JAKMIP2: variants seen among roughly 807,000 people sequenced by gnomAD.
The protein encoded by JAKMIP2 is janus kinase and microtubule-interacting protein 2.
Under a neutral mutation model 115.0 loss-of-function variants are expected in JAKMIP2, and 25 were observed. That is an observed-to-expected ratio of 0.22 (90% CI 0.16 to 0.30). The LOEUF (loss-of-function observed/expected upper bound fraction) is 0.30, where lower values mean the gene tolerates loss of function less well. JAKMIP2 is among the 10% of genes least tolerant of loss of function. The pLI is 1.00. For synonymous variants in JAKMIP2, 334 were observed against 343.6 expected (o/e 0.97, Z 0.31); for missense variants, 642 against 957.6 (o/e 0.67, Z 4.35).
At position 147,603,241 on chromosome 5, in the gene JAKMIP2, C is replaced by A. The variant is rs151181909; in HGVS notation, c.2413-1430G>T. The stretch of plus-strand genomic sequence containing the variant: ...TAATTTTGGGCAAGTTGTTTAATTT[C>A]TTTGAGCCATTGTTTTATTATTTGT... On this transcript the variant is annotated intron_variant, in intron 20 of 21. Transcript: ENST00000616793. 5.9e-5 allele frequency among the ~76,000 whole-genome samples: 9 copies of A among 152,208 alleles called. No individual in the cohort carries two copies. The East Asian group carries it at 1.7e-3, about 29-fold the overall frequency.
At chr5:147,764,975 A>G (rs1252772378) in intron 1 of JAKMIP2, among the ~76,000 whole-genome samples, 18 of 108,012 alleles carry the variant, frequency 1.7e-4, no homozygotes, top group Non-Finnish European at 2.7e-4. Context: ...AGGGGGAGAG[A>G]GAGAGAGAGA....
At chr5:147,627,678 TAAAAAAAAAAAA>T (rs768481105) in intron 16 of JAKMIP2, among the ~76,000 whole-genome samples, 2 of 70,322 alleles carry the variant, frequency 2.8e-5, no homozygotes, top group African/African-American at 1.1e-4. Context: ...AGCCTTTCTG[TAAAAAAAAAAAA>T]AAAAAAAAAA....
rs574403160 is a variant in JAKMIP2, at chr5:147,636,503, C to T, written c.1615-219G>A. 13 of 594,442 alleles carry T rather than the reference C, an allele frequency of 2.2e-5. No homozygotes were observed. The South Asian group carries it at 2.5e-4, about 11-fold the overall frequency. 36.8% of individuals were successfully genotyped at this position (594,442 alleles called of 1,614,324 possible). A position where few individuals can be genotyped will look rare whatever the true frequency, so the allele number is the denominator to read the frequency against. ...TTTTCATCATCACTCCCTATTTCTA[C>T]CTTTTCCAGTTTGAATAATCCAGGA... On this transcript the variant is annotated intron_variant, in intron 11 of 21. Transcript: ENST00000616793.
chr5:147,608,680 T>A (rs983289454), intron 20 of JAKMIP2, among the ~76,000 whole-genome samples: 5 of 152,194 alleles, frequency 3.3e-5, no homozygotes, highest in African/African-American at 1.2e-4. Context: ...TCTGTAGATG[T>A]CTATTAGGTC....
intron 1 of JAKMIP2, among the ~76,000 whole-genome samples, chr5:147,689,519 G>C (rs1760733615): frequency 6.6e-6 from 1 of 152,160 alleles, no homozygotes; most frequent in Non-Finnish European, 1.5e-5. Context: ...GATAGGACTA[G>C]ATGCAAGCTG....
At chr5:147,743,804 T>C (rs1476310783) in intron 1 of JAKMIP2, among the ~76,000 whole-genome samples, 1 of 152,120 alleles carries the variant, frequency 6.6e-6, no homozygotes, top group Non-Finnish European at 1.5e-5. Context: ...AACCTCTTAA[T>C]GATGTTCTTC....
At position 147,702,672 on chromosome 5, in the gene JAKMIP2, A is replaced by AAG. The variant is rs1433174331; in HGVS notation, c.-148-30720_-148-30719dup. On this transcript the variant is annotated intron_variant, in intron 1 of 21. Coordinates refer to ENST00000616793, the MANE Select transcript of JAKMIP2 (RefSeq NM_001270941.2). ...AGAAAGAAAGAAAGAAAGAGAGAGA[A>AAG]AGAAAGAGAAAGAAAGAAAAGAAAA... 2.5e-4 allele frequency among the ~76,000 whole-genome samples: 31 copies of AAG among 123,158 alleles called. 1 individual carries two copies. In the East Asian group the frequency reaches 2.6e-3, roughly 10 times the overall value. 80.8% of individuals were successfully genotyped at this position (123,158 alleles called of 152,430 possible).
At chr5:147,655,298 C>T (rs1324788138) in intron 3 of JAKMIP2, among the ~76,000 whole-genome samples, 3 of 152,134 alleles carry the variant, frequency 2.0e-5, no homozygotes, top group Non-Finnish European at 4.4e-5. Context: ...CTTCGTACCT[C>T]TGGTAGAATT....
chr5:147,723,428 C>T (rs1055235452), intron 1 of JAKMIP2, among the ~76,000 whole-genome samples: 4 of 151,816 alleles, frequency 2.6e-5, no homozygotes, highest in African/African-American at 9.7e-5. Flanking sequence ...TGTACATTCT[C>T]GATGGTATGT....
intron 2 of JAKMIP2, among the ~76,000 whole-genome samples, chr5:147,664,068 AT>A (rs1561523983): frequency 6.6e-6 from 1 of 152,230 alleles, no homozygotes; most frequent in East Asian, 1.9e-4. Flanking sequence ...TGGATAAATT[AT>A]TCTAAACGAT....
At chr5:147,618,197 T>A in intron 18 of JAKMIP2, 83 bp from the exon 19 acceptor site, 1 of 997,636 alleles carries the variant, frequency 1.0e-6, no homozygotes, top group Non-Finnish European at 1.6e-6. Context: ...TATGTATATG[T>A]ATATGGCTGC....
At chr5:147,727,296 G>T (rs976059409) in intron 1 of JAKMIP2, among the ~76,000 whole-genome samples, 20 of 152,180 alleles carry the variant, frequency 1.3e-4, no homozygotes, top group African/African-American at 4.8e-4. Context: ...TTAAAAGCCA[G>T]AAATATTGGC....
At chr5:147,611,887 AATTT>A (rs1327761782) in intron 20 of JAKMIP2, among the ~76,000 whole-genome samples, 1 of 152,202 alleles carries the variant, frequency 6.6e-6, no homozygotes, top group African/African-American at 2.4e-5. Flanking sequence ...CAAGTTTCTG[AATTT>A]ACTGTTAAGG....
intron 1 of JAKMIP2, among the ~76,000 whole-genome samples, chr5:147,679,634 C>A (rs1281202048): frequency 6.6e-6 from 1 of 152,218 alleles, no homozygotes; most frequent in Non-Finnish European, 1.5e-5. Context: ...CAGGCAATGG[C>A]ATTAACTCAT....
chr5:147,676,993 T>A (rs1200570378), intron 1 of JAKMIP2, among the ~76,000 whole-genome samples: 2 of 152,368 alleles, frequency 1.3e-5, no homozygotes, highest in East Asian at 3.9e-4. Context: ...TGGCACATGA[T>A]TCTGATACAC....
chr5:147,673,707 C>T (rs1106895), intron 1 of JAKMIP2, among the ~76,000 whole-genome samples: 35,864 of 152,010 alleles, frequency 0.24, 5,393 homozygotes, highest in East Asian at 0.46. Flanking sequence ...TGCTTTTAGT[C>T]TTGGAATGAA....
At chr5:147,762,655 T>C (rs1754970070) in intron 1 of JAKMIP2, among the ~76,000 whole-genome samples, 1 of 152,102 alleles carries the variant, frequency 6.6e-6, no homozygotes, top group Admixed American at 6.5e-5. Context: ...CATTTAACCT[T>C]AATTAGCTCC....
intron 1 of JAKMIP2, among the ~76,000 whole-genome samples, chr5:147,700,606 G>A (rs1752286514): frequency 6.6e-6 from 1 of 152,104 alleles, no homozygotes; most frequent in African/African-American, 2.4e-5. Context: ...AGTGTCTCAT[G>A]GGAGAAATTC....
At chr5:147,593,157 G>A (rs528676069) in intron 21 of JAKMIP2, among the ~76,000 whole-genome samples, 2 of 152,344 alleles carry the variant, frequency 1.3e-5, no homozygotes, top group African/African-American at 4.8e-5. Context: ...GCGCTACAGC[G>A]TAGTTGTCTC....
Sources: allele counts gnomAD v4.1 joint callset (sites outside exome capture counted in the v4.1 genomes callset), GRCh38; gene constraint gnomAD v4.1.1; transcripts MANE v1.5; gene names NCBI Gene and HGNC (gene_info 2026-07-23, HGNC 2026-07-21).